The following TRAPPC9 variants were observed in gnomAD, a reference collection of about 807,000 sequenced individuals.
The protein encoded by TRAPPC9 is IKK2 binding protein.
Under a neutral mutation model 124.0 loss-of-function variants are expected in TRAPPC9, and 83 were observed. The observed-to-expected ratio is 0.67, with a 90% CI of 0.56 to 0.80. TRAPPC9 has a LOEUF of 0.80. TRAPPC9 is among the 30% of genes least tolerant of loss of function. TRAPPC9 has a pLI of 0.00. For missense variants in TRAPPC9, 1,302 were observed against 1,508.3 expected (o/e 0.86, Z 2.27); for synonymous variants, 638 against 617.5 (o/e 1.03, Z -0.49).
At chr8:140,161,415 T>TC (rs2061749386) in intron 17 of TRAPPC9, among the ~76,000 whole-genome samples, 1 of 4,732 alleles carries the variant, frequency 2.1e-4, no homozygotes, top group East Asian at 0.25. Flanking sequence ...ACATCTCCAA[T>TC]TTTTTTTTTT....
intron 9 of TRAPPC9, among the ~76,000 whole-genome samples, chr8:140,331,070 T>A (rs576806251): frequency 2.6e-5 from 4 of 151,434 alleles, no homozygotes; most frequent in Non-Finnish European, 5.9e-5. Flanking sequence ...CTTCAAAATA[T>A]ACTACAAAGC....
intron 19 of TRAPPC9, among the ~76,000 whole-genome samples, chr8:139,965,699 A>G (rs56041230): frequency 0.28 from 21,387 of 77,396 alleles, 1,832 homozygotes; most frequent in African/African-American, 0.31. Flanking sequence ...TTCCAGAGAC[A>G]TACCCTAGTG....
intron 21 of TRAPPC9, among the ~76,000 whole-genome samples, chr8:139,880,403 G>A (rs1167609338): frequency 2.6e-5 from 4 of 152,206 alleles, no homozygotes; most frequent in African/African-American, 9.6e-5. Flanking sequence ...GGGGGCTGGA[G>A]TCACCTTGAC....
chr8:140,265,242 C>G (rs1472702516), intron 15 of TRAPPC9, among the ~76,000 whole-genome samples: 2 of 152,184 alleles, frequency 1.3e-5, no homozygotes, highest in African/African-American at 2.4e-5. Flanking sequence ...GTCCCACCTT[C>G]AGAATGCTAC....
intron 20 of TRAPPC9, chr8:139,908,648 C>T (rs1563913542): frequency 6.6e-6 from 1 of 152,440 alleles, no homozygotes; most frequent in East Asian, 1.9e-4. Context: ...CCCCTCATGG[C>T]TGAGACTCAA....
chr8:140,352,614 C>T (rs2067621793), intron 9 of TRAPPC9, among the ~76,000 whole-genome samples: 1 of 152,136 alleles, frequency 6.6e-6, no homozygotes, highest in African/African-American at 2.4e-5. Context: ...TTACACTGGC[C>T]GCCGCTCCCT....
At chr8:140,163,569 G>C (rs1254620302) in intron 17 of TRAPPC9, among the ~76,000 whole-genome samples, 1 of 152,202 alleles carries the variant, frequency 6.6e-6, no homozygotes, top group Admixed American at 6.5e-5. Context: ...GAGGGTGGCG[G>C]GCAGATGGAC....
chr8:140,309,697 C>T (rs989610841), intron 10 of TRAPPC9, among the ~76,000 whole-genome samples: 8 of 152,242 alleles, frequency 5.3e-5, no homozygotes, highest in Non-Finnish European at 1.0e-4. Flanking sequence ...TGCCCTTAAT[C>T]CCAAGTCAAA....
rs776683570 is a variant in TRAPPC9 at position 140,252,809 on chromosome 8, C to T, written c.2399G>A (p.Cys800Tyr). 1.6e-5 allele frequency: 26 copies of T among 1,614,080 alleles called. No individual in the cohort carries two copies. In the South Asian group the frequency reaches 2.9e-4, roughly 18 times the overall value. Residue 800 changes from cysteine to tyrosine, a missense_variant, in exon 16 of 23, where the codon TGC (cysteine) becomes TAC (tyrosine). Cys to Tyr is a radical substitution (Grantham distance 194, BLOSUM62 -2). Around this residue, in one of 3 missense-constraint regions of TRAPPC9, gnomAD observed 640 missense variants for 679.3 expected, o/e 0.94. Coordinates refer to ENST00000438773, the MANE Select transcript of TRAPPC9 (RefSeq NM_001160372.4). This position sits in a 1 kb window ranked among gnomAD's most constrained non-coding sequence, Gnocchi z 4.2. ...GAGATCCTGCAGGAGATTCTCCTGGCAGGAGAAATCCAGCTTCACTTTGAT... is the reference window on the plus strand; with the variant it reads ...GAGATCCTGCAGGAGATTCTCCTGGTAGGAGAAATCCAGCTTCACTTTGAT... ...INIKVKLDFS[C>Y]QENLLQDLSD...
chr8:139,995,182 T>A (rs1837886550), intron 18 of TRAPPC9, among the ~76,000 whole-genome samples: 1 of 152,156 alleles, frequency 6.6e-6, no homozygotes, highest in African/African-American at 2.4e-5. Context: ...GCTGCATCTC[T>A]CTCCAGTACC....
At chr8:140,028,848 AG>A (rs1840319634) in intron 17 of TRAPPC9, among the ~76,000 whole-genome samples, 1 of 152,246 alleles carries the variant, frequency 6.6e-6, no homozygotes, top group Admixed American at 6.5e-5. Flanking sequence ...GGAGTTGCAG[AG>A]GAAGGAACAA....
At chr8:139,929,454 G>A (rs1832995394) in intron 19 of TRAPPC9, among the ~76,000 whole-genome samples, 2 of 152,202 alleles carry the variant, frequency 1.3e-5, no homozygotes, top group African/African-American at 2.4e-5. Flanking sequence ...AAAGGGAGGG[G>A]GCCGAGCGTG....
intron 16 of TRAPPC9, among the ~76,000 whole-genome samples, chr8:140,250,007 G>T (rs1054286906): frequency 1.3e-5 from 2 of 152,082 alleles, no homozygotes; most frequent in African/African-American, 2.4e-5. Flanking sequence ...ATTTGTCATT[G>T]ATACAATAAT....
At chr8:140,403,240 C>A (rs991108401) in intron 6 of TRAPPC9, among the ~76,000 whole-genome samples, 1 of 152,060 alleles carries the variant, frequency 6.6e-6, no homozygotes, top group Non-Finnish European at 1.5e-5. Flanking sequence ...ACCAGCCTGG[C>A]CAACATGGTG....
At chr8:140,073,065 G>A (rs910126136) in intron 17 of TRAPPC9, among the ~76,000 whole-genome samples, 8 of 152,142 alleles carry the variant, frequency 5.3e-5, no homozygotes, top group Admixed American at 6.5e-5. Flanking sequence ...TGGTGAAGGC[G>A]CACAGCACCG....
intron 18 of TRAPPC9, among the ~76,000 whole-genome samples, chr8:140,020,073 T>TAAATTCCTC (rs1257649278): frequency 1.3e-5 from 2 of 152,212 alleles, no homozygotes; most frequent in African/African-American, 4.8e-5. Flanking sequence ...TCTGTGGAAT[T>TAAATTCCTC]AGTAGTAATG....
chr8:140,272,327 A>AGAG (rs1244998351), intron 15 of TRAPPC9, among the ~76,000 whole-genome samples: 11 of 138,286 alleles, frequency 8.0e-5, no homozygotes, highest in Admixed American at 7.2e-4. Context: ...TATAGTGGTG[A>AGAG]TGGTGGTTTT....
At chr8:139,956,955 G>A (rs879592721) in intron 19 of TRAPPC9, among the ~76,000 whole-genome samples, 8 of 152,256 alleles carry the variant, frequency 5.3e-5, no homozygotes, top group Non-Finnish European at 7.3e-5. Context: ...TGAGGACACC[G>A]GATAAGGCCC....
intron 17 of TRAPPC9, among the ~76,000 whole-genome samples, chr8:140,181,039 T>C (rs2062190107): frequency 6.6e-6 from 1 of 152,196 alleles, no homozygotes; most frequent in Admixed American, 6.5e-5. Flanking sequence ...CTCTCCAGGA[T>C]TTTTTCTGCT....
Sources: gnomAD v4.1 joint callset for allele counts (sites outside exome capture counted in the v4.1 genomes callset) on GRCh38, gnomAD v4.1.1 for gene constraint, gnomAD v4.1.1 regional missense constraint, Gnocchi (gnomAD v3.1) non-coding constraint, MANE v1.5 for transcripts, NCBI Gene and HGNC (gene_info 2026-07-23, HGNC 2026-07-21) for gene names.